The following FAM171B variants were observed in gnomAD, a reference collection of about 807,000 sequenced individuals.
FAM171B encodes family with sequence similarity 171 member B.
A neutral mutation model predicts 75.6 loss-of-function variants in FAM171B; 19 were observed. That is an observed-to-expected ratio of 0.25 (90% CI 0.18 to 0.37). The LOEUF (loss-of-function observed/expected upper bound fraction) is 0.37. Among genes scored for constraint, FAM171B ranks in the 10% least tolerant of loss-of-function variants. The probability of loss-of-function intolerance (pLI) is 1.00; values close to 1 mark genes in which losing one functional copy is unlikely to be tolerated. For synonymous variants in FAM171B, 367 were observed against 361.7 expected (o/e 1.01, Z -0.17); for missense variants, 848 against 982.4 (o/e 0.86, Z 1.83).
intron 6 of FAM171B, among the ~76,000 whole-genome samples, chr2:186,759,515 G>C (rs916792788): frequency 1.3e-5 from 2 of 152,090 alleles, no homozygotes; most frequent in Admixed American, 6.6e-5. Flanking sequence ...ATTATTGACT[G>C]TCTTTTGGAT....
At chr2:186,695,094 G>A (rs1052574996) in intron 1 of FAM171B, 3 of 152,222 alleles carry the variant, frequency 2.0e-5, no homozygotes, top group Admixed American at 1.3e-4. Context: ...GGACACATAA[G>A]GTGAAGTCTG....
rs141986851 is a variant in FAM171B, at chr2:186,710,022, A to C, written c.238+15611A>C. Among the ~76,000 whole-genome samples, 934 of 152,312 alleles carry C rather than the reference A, an allele frequency of 6.1e-3. 12 individuals carry two copies. The highest frequency in any genetic ancestry group is 0.02 in the African/African-American group (831 of 41,558). On this transcript the variant is annotated intron_variant, in intron 1 of 7. Coordinates refer to ENST00000304698, the MANE Select transcript of FAM171B (RefSeq NM_177454.4). ...AGGCCACTTAGCTGGAAATTACTGA[A>C]GCAGAAGAAAGGGCATCACATTTAT...
At chr2:186,729,580 A>G (rs183226146) in intron 1 of FAM171B, among the ~76,000 whole-genome samples, 2 of 152,340 alleles carry the variant, frequency 1.3e-5, no homozygotes, top group African/African-American at 4.8e-5. Flanking sequence ...CTAATTCTTT[A>G]TAACTTTTCC....
Position 186,761,201 on chromosome 2 carries a change from C to T in FAM171B, c.1101C>T (p.Val367=), listed in dbSNP as rs1441050313. Residue 367 remains valine (V), a synonymous_variant, in exon 7 of 8, where the codon GTC becomes GTT. Transcript: ENST00000304698. ...TAILGGTIVI[V]IGFFAVLLCY... ...TATTAGGAGGAACAATAGTCATTGT[C>T]ATTGGATTTTTTGCTGTACTACTTT... is the stretch of plus-strand genomic sequence containing the variant. 3.1e-6 allele frequency: 5 copies of T among 1,612,302 alleles called. No individual in the cohort carries two copies. The highest frequency in any genetic ancestry group is 4.2e-6 in the Non-Finnish European group (5 of 1,179,098).
In FAM171B at chr2:186,694,323, A is replaced by G. The variant is rs2370705; in HGVS notation, c.150A>G (p.Gln50=). 31 of 969,004 alleles carry G rather than the reference A, an allele frequency of 3.2e-5. No homozygotes were observed. Among genetic ancestry groups the G allele is most frequent in the South Asian group, 6.5e-5 (4 of 61,922 alleles). 60.0% of individuals were successfully genotyped at this position (969,004 alleles called of 1,614,324 possible). Reference sequence around the variant, plus strand: ...TCCAACAGCAGCAGCAGCAGCAGCAACAACAACAACAACAGCAAAAGCAGC... The same window carrying G: ...TCCAACAGCAGCAGCAGCAGCAGCAGCAACAACAACAACAGCAAAAGCAGC... ...SLIQQQQQQQ[Q]QQQQQQKQLE... The change falls in exon 1 of 8, where the codon CAA becomes CAG. Residue 50 remains glutamine, a synonymous_variant. Coordinates refer to ENST00000304698, the MANE Select transcript of FAM171B (RefSeq NM_177454.4).
At chr2:186,696,802 A>G (rs1426358003) in intron 1 of FAM171B, among the ~76,000 whole-genome samples, 2 of 152,100 alleles carry the variant, frequency 1.3e-5, no homozygotes, top group East Asian at 3.9e-4. Context: ...AGTAATCTGC[A>G]CATCCTTTTT....
At chr2:186,756,196 A>G (rs567255802) in intron 6 of FAM171B, among the ~76,000 whole-genome samples, 59 of 152,346 alleles carry the variant, frequency 3.9e-4, no homozygotes, top group African/African-American at 1.4e-3. Context: ...TGTTGTTTGG[A>G]TGAGTACTAA....
chr2:186,736,166 CTCAA>C (rs1690195658), intron 1 of FAM171B, among the ~76,000 whole-genome samples: 1 of 152,146 alleles, frequency 6.6e-6, no homozygotes, highest in Admixed American at 6.5e-5. Flanking sequence ...CTTTGCTTTT[CTCAA>C]TCAATTCTTC....
chr2:186,709,278 T>TA (rs755132043), intron 1 of FAM171B, among the ~76,000 whole-genome samples: 1 of 152,170 alleles, frequency 6.6e-6, no homozygotes, highest in African/African-American at 2.4e-5. Context: ...GGCAGGGACA[T>TA]ACATCCAAAC....
At chr2:186,739,564 G>A (rs1690256791) in intron 1 of FAM171B, among the ~76,000 whole-genome samples, 2 of 152,104 alleles carry the variant, frequency 1.3e-5, no homozygotes, top group African/African-American at 2.4e-5. Flanking sequence ...ACACAGGGCA[G>A]GATCATCAAT....
intron 1 of FAM171B, among the ~76,000 whole-genome samples, chr2:186,702,041 G>C (rs1001289595): frequency 2.0e-5 from 3 of 152,304 alleles, no homozygotes; most frequent in Non-Finnish European, 2.9e-5. Context: ...TACTTACCTG[G>C]AAGAGTCTAA....
At chr2:186,715,986 G>C (rs764375873) in intron 1 of FAM171B, among the ~76,000 whole-genome samples, 3 of 152,024 alleles carry the variant, frequency 2.0e-5, no homozygotes, top group Middle Eastern at 3.2e-3. Flanking sequence ...TTTTTGCTCT[G>C]TTTGCTTCAC....
chr2:186,762,715 T>C lies in FAM171B; in HGVS notation c.2373T>C (p.Ala791=). Residue 791 remains alanine (A), a synonymous_variant, in exon 8 of 8, where the codon GCT becomes GCC. Transcript: ENST00000304698. The surrounding 1 kb of genome is among the most constrained non-coding windows in gnomAD (Gnocchi z 4.0). ...AAAGCACTGTTGAAGATTTTGAAGC[T>C]AATACATCCCCCACTAAAAGAAGGG... The part of the protein sequence containing the change: ...GRKSTVEDFE[A]NTSPTKRRGR... The C allele has an allele frequency of 6.2e-7, 1 of 1,613,028 alleles. No homozygotes were observed. Among genetic ancestry groups the C allele is most frequent in the Non-Finnish European group, 8.5e-7 (1 of 1,179,576 alleles).
chr2:186,694,194 T>A lies in FAM171B; in HGVS notation c.21T>A (p.Arg7=). The part of the protein sequence containing the change: MARLCR[R]VPCTLLLGLA... Reference sequence around the variant, plus strand: ...AGGCCATGGCGAGGCTCTGCCGGCGTGTCCCCTGCACCCTGCTTCTCGGCC... The same window carrying A: ...AGGCCATGGCGAGGCTCTGCCGGCGAGTCCCCTGCACCCTGCTTCTCGGCC... Residue 7 remains arginine, a synonymous_variant, in exon 1 of 8, where the codon CGT becomes CGA. Coordinates refer to ENST00000304698, the MANE Select transcript of FAM171B (RefSeq NM_177454.4). 1 of 1,603,368 alleles carries A rather than the reference T, an allele frequency of 6.2e-7. No homozygotes were observed. Among genetic ancestry groups the A allele is most frequent in the Non-Finnish European group, 8.5e-7 (1 of 1,178,828 alleles).
chr2:186,720,775 C>G (rs1689943577), intron 1 of FAM171B, among the ~76,000 whole-genome samples: 1 of 148,302 alleles, frequency 6.7e-6, no homozygotes, highest in Admixed American at 6.7e-5. Flanking sequence ...TGTACCCAAA[C>G]CCTGAGTTAA....
chr2:186,721,072 C>T (rs1445551674), intron 1 of FAM171B, among the ~76,000 whole-genome samples: 2 of 152,132 alleles, frequency 1.3e-5, no homozygotes, highest in Non-Finnish European at 2.9e-5. Flanking sequence ...TAAATATGAA[C>T]CGAAGAAGAT....
At chr2:186,704,856 G>A (rs1689712619) in intron 1 of FAM171B, among the ~76,000 whole-genome samples, 1 of 152,102 alleles carries the variant, frequency 6.6e-6, no homozygotes, top group South Asian at 2.1e-4. Context: ...CTCAAGAGAA[G>A]AGAGAGGGAG....
chr2:186,696,303 A>T (rs1689580071), intron 1 of FAM171B, among the ~76,000 whole-genome samples: 1 of 151,918 alleles, frequency 6.6e-6, no homozygotes, highest in African/African-American at 2.4e-5. Flanking sequence ...TGTTTTAGTT[A>T]TTGGAATATT....
intron 1 of FAM171B, among the ~76,000 whole-genome samples, chr2:186,696,799 TGCACA>T (rs1689587883): frequency 6.6e-6 from 1 of 152,172 alleles, no homozygotes. Context: ...AATAGTAATC[TGCACA>T]TCCTTTTTGC....
Sources: gnomAD v4.1 joint callset for allele counts (sites outside exome capture counted in the v4.1 genomes callset) on GRCh38, gnomAD v4.1.1 for gene constraint, Gnocchi (gnomAD v3.1) non-coding constraint, MANE v1.5 for transcripts, NCBI Gene and HGNC (gene_info 2026-07-23, HGNC 2026-07-21) for gene names.